The following FAM13A variants were observed in gnomAD, a reference collection of about 807,000 sequenced individuals.
FAM13A encodes the protein family with sequence similarity 13 member A, also known as protein FAM13A.
Under a neutral mutation model 129.6 loss-of-function variants are expected in FAM13A, and 76 were observed. The observed-to-expected ratio is 0.59, with a 90% CI of 0.49 to 0.71. The LOEUF is 0.71. Ranked by LOEUF, FAM13A falls within the 30% of genes least tolerant of loss-of-function variation. The probability of loss-of-function intolerance (pLI) is 0.00; values close to 1 mark genes in which losing one functional copy is unlikely to be tolerated. For synonymous variants in FAM13A, 443 were observed against 449.9 expected (o/e 0.98, Z 0.20); for missense variants, 1,108 against 1,249.3 (o/e 0.89, Z 1.70).
intron 7 of FAM13A, among the ~76,000 whole-genome samples, chr4:88,815,147 T>C (rs1306964041): frequency 6.6e-6 from 1 of 152,122 alleles, no homozygotes; most frequent in Non-Finnish European, 1.5e-5. Context: ...CCAGCTTCCC[T>C]GAGTTTTATT....
chr4:88,802,025 G>A (rs1490777890), intron 8 of FAM13A, among the ~76,000 whole-genome samples: 1 of 152,116 alleles, frequency 6.6e-6, no homozygotes, highest in African/African-American at 2.4e-5. Context: ...ATAAAAGGTT[G>A]AACATGGCAC....
intron 6 of FAM13A, among the ~76,000 whole-genome samples, chr4:88,902,684 G>A (rs373634754): frequency 7.9e-5 from 12 of 152,012 alleles, no homozygotes; most frequent in South Asian, 2.1e-4. Context: ...AAGCATTCCC[G>A]TTGAAAGCTG....
At chr4:88,755,094 AAAGTC>A (rs1413558290) in intron 14 of FAM13A, among the ~76,000 whole-genome samples, 1 of 152,128 alleles carries the variant, frequency 6.6e-6, no homozygotes, top group Admixed American at 6.6e-5. Context: ...TCCCCAACCT[AAAGTC>A]TAGTATTAAT....
intron 5 of FAM13A, among the ~76,000 whole-genome samples, chr4:88,917,600 A>G (rs1750317832): frequency 1.3e-5 from 2 of 152,152 alleles, no homozygotes; most frequent in African/African-American, 2.4e-5. Flanking sequence ...TTCTTGTCAT[A>G]TCTACCCTAC....
At chr4:89,022,105 C>T (rs141011786) in intron 2 of FAM13A, among the ~76,000 whole-genome samples, 302 of 152,242 alleles carry the variant, frequency 2.0e-3, no homozygotes, top group Admixed American at 4.7e-3. Context: ...GACATAATGA[C>T]ATTGAAGCCT....
At chr4:88,799,696 G>A (rs376203788) in intron 8 of FAM13A, among the ~76,000 whole-genome samples, 1 of 152,156 alleles carries the variant, frequency 6.6e-6, no homozygotes, top group South Asian at 2.1e-4. Context: ...TATTGTCCAC[G>A]ATGGTCTCGA....
intron 5 of FAM13A, among the ~76,000 whole-genome samples, chr4:88,935,817 G>T (rs907720021): frequency 4.6e-5 from 7 of 152,026 alleles, no homozygotes; most frequent in African/African-American, 1.4e-4. Flanking sequence ...CTTTTGAAAT[G>T]ATTTCCATAA....
chr4:88,899,014 C>A (rs994197846), intron 6 of FAM13A, among the ~76,000 whole-genome samples: 1 of 151,840 alleles, frequency 6.6e-6, no homozygotes, highest in African/African-American at 2.4e-5. Context: ...AAATATGGAA[C>A]CAGCCCAAAG....
chr4:88,920,314 C>T (rs542624216), intron 5 of FAM13A, among the ~76,000 whole-genome samples: 8 of 152,284 alleles, frequency 5.3e-5, no homozygotes, highest in African/African-American at 1.7e-4. Context: ...TAGGGGCAAA[C>T]TGACACCTCA....
chr4:88,866,475 C>T (rs1278824186), intron 6 of FAM13A, among the ~76,000 whole-genome samples: 9 of 152,138 alleles, frequency 5.9e-5, no homozygotes, highest in Admixed American at 5.2e-4. Flanking sequence ...TGACTGTGCC[C>T]GGCACTTTTG....
intron 5 of FAM13A, among the ~76,000 whole-genome samples, chr4:88,913,512 G>A (rs1476415586): frequency 7.0e-6 from 1 of 141,940 alleles, no homozygotes. Flanking sequence ...GGAAGAGGAA[G>A]AAGAGGAGGA....
rs1736372201 is a variant in FAM13A, at chr4:88,725,982, T to TAA, written c.*2550_*2551insTT. 9.6e-6 allele frequency: 1 copy of TAA among 103,788 alleles called. No homozygotes were observed. Among genetic ancestry groups the TAA allele is most frequent in the Non-Finnish European group, 2.0e-5 (1 of 49,312 alleles). The allele number at this position is 103,788 out of a possible 1,614,324, so 6.4% of individuals were successfully genotyped here. A position where few individuals can be genotyped will look rare whatever the true frequency, so the allele number is the denominator to read the frequency against. On this transcript the variant is annotated 3_prime_UTR_variant, in exon 24 of 24. Coordinates refer to ENST00000264344, the MANE Select transcript of FAM13A (RefSeq NM_014883.4). ...AAATTATAAGTCTGCACTCTTTAAT[T>TAA]CTTAAGTTTACTTACACTTATGAAA...
At chr4:88,799,477 C>T (rs951867520) in intron 8 of FAM13A, among the ~76,000 whole-genome samples, 1 of 125,592 alleles carries the variant, frequency 8.0e-6, no homozygotes, top group Non-Finnish European at 1.6e-5. Flanking sequence ...TCCAACAATT[C>T]CACTTTTTTT....
chr4:89,030,767 T>C (rs1205243121), intron 1 of FAM13A, among the ~76,000 whole-genome samples: 1 of 152,184 alleles, frequency 6.6e-6, no homozygotes, highest in Non-Finnish European at 1.5e-5. Flanking sequence ...TTTATATTAA[T>C]GTTATAGTGC....
chr4:89,013,102 T>C (rs1481876805), intron 3 of FAM13A, among the ~76,000 whole-genome samples: 4 of 152,008 alleles, frequency 2.6e-5, no homozygotes, highest in African/African-American at 4.8e-5. Context: ...CATTCAACTA[T>C]GTGTAAAGAG....
At chr4:89,014,156 T>C (rs1044884636) in intron 3 of FAM13A, among the ~76,000 whole-genome samples, 2 of 152,124 alleles carry the variant, frequency 1.3e-5, no homozygotes, top group African/African-American at 4.8e-5. Flanking sequence ...AAATAAAAAT[T>C]CGTAGACGGT....
intron 14 of FAM13A, among the ~76,000 whole-genome samples, chr4:88,752,900 G>A (rs962669652): frequency 1.3e-5 from 2 of 152,214 alleles, no homozygotes; most frequent in Non-Finnish European, 2.9e-5. Flanking sequence ...GGTTAAGATG[G>A]CTTGAACAGT....
chr4:88,992,627 AC>A (rs1763054930), intron 3 of FAM13A, among the ~76,000 whole-genome samples: 1 of 152,166 alleles, frequency 6.6e-6, no homozygotes, highest in Non-Finnish European at 1.5e-5. Context: ...CCCAGCATAC[AC>A]CCCAAAATGT....
At chr4:89,027,052 T>C (rs1270658094) in intron 2 of FAM13A, among the ~76,000 whole-genome samples, 1 of 152,208 alleles carries the variant, frequency 6.6e-6, no homozygotes, top group Non-Finnish European at 1.5e-5. Flanking sequence ...TAGACCCACC[T>C]TACCGGCAGG....
Sources: allele counts gnomAD v4.1 joint callset (sites outside exome capture counted in the v4.1 genomes callset), GRCh38; gene constraint gnomAD v4.1.1; transcripts MANE v1.5; gene names NCBI Gene and HGNC (gene_info 2026-07-23, HGNC 2026-07-21).